CNTLN: variants seen among roughly 807,000 people sequenced by gnomAD.
The protein encoded by CNTLN is centlein, centrosomal protein.
Under a neutral mutation model 180.0 loss-of-function variants are expected in CNTLN, and 212 were observed. The observed-to-expected ratio is 1.18, with a 90% CI of 1.05 to 1.32. The LOEUF (loss-of-function observed/expected upper bound fraction) is 1.32, where lower values mean the gene tolerates loss of function less well. Ranked by LOEUF, CNTLN falls within the 40% of genes most tolerant of loss-of-function variation. CNTLN has a pLI of 0.00. For synonymous variants in CNTLN, 722 were observed against 563.1 expected (o/e 1.28, Z -3.99); for missense variants, 2,095 against 1,610.9 (o/e 1.30, Z -5.14).
chr9:17,146,295 T>G (rs1300173547), intron 2 of CNTLN, among the ~76,000 whole-genome samples: 2 of 152,186 alleles, frequency 1.3e-5, no homozygotes, highest in Non-Finnish European at 2.9e-5. Context: ...TTCTCTCTTA[T>G]CTCATGTTTT....
chr9:17,218,307 C>T (rs1192428575), intron 2 of CNTLN, among the ~76,000 whole-genome samples: 1 of 152,052 alleles, frequency 6.6e-6, no homozygotes, highest in African/African-American at 2.4e-5. Context: ...GAATTAAGAT[C>T]TGTTGAATTA....
intron 13 of CNTLN, among the ~76,000 whole-genome samples, chr9:17,371,253 A>G (rs974514363): frequency 9.2e-5 from 14 of 152,156 alleles, no homozygotes; most frequent in Non-Finnish European, 1.6e-4. Context: ...AAAGAAACAT[A>G]TAGACTGAAA....
intron 8 of CNTLN, among the ~76,000 whole-genome samples, chr9:17,326,981 A>G (rs758929106): frequency 6.6e-5 from 10 of 152,262 alleles, no homozygotes; most frequent in African/African-American, 1.9e-4. Context: ...TGAATAGACT[A>G]TGTCCTTCAG....
At chr9:17,445,927 G>A (rs1382016448) in intron 18 of CNTLN, among the ~76,000 whole-genome samples, 1 of 152,210 alleles carries the variant, frequency 6.6e-6, no homozygotes, top group East Asian at 1.9e-4. Flanking sequence ...TACTGAGATA[G>A]GGAAAAACCG....
At position 17,305,687 on chromosome 9, in the gene CNTLN, G is replaced by C. The variant is rs188514917; in HGVS notation, c.1147-3371G>C. Reference sequence around the variant, plus strand: ...CACCAAAAAACACTTTAGAAATAAAGCTAGATTTAACCTTGTTGAAGGCTG... The same window carrying C: ...CACCAAAAAACACTTTAGAAATAAACCTAGATTTAACCTTGTTGAAGGCTG... On this transcript the variant is annotated intron_variant, in intron 7 of 25. Coordinates refer to ENST00000380647, the MANE Select transcript of CNTLN (RefSeq NM_017738.4). 5.2e-3 allele frequency among the ~76,000 whole-genome samples: 794 copies of C among 152,202 alleles called. 5 individuals are homozygous for C. Among genetic ancestry groups the C allele is most frequent in the Admixed American group, 8.2e-3 (126 of 15,292 alleles).
intron 18 of CNTLN, among the ~76,000 whole-genome samples, chr9:17,435,646 T>C (rs1465290939): frequency 6.6e-6 from 1 of 151,818 alleles, no homozygotes. Flanking sequence ...CTGCAGCCTC[T>C]GTCCACCCCG....
At chr9:17,330,897 T>C in intron 9 of CNTLN, 89 bp downstream of exon 9, 1 of 1,190,180 alleles carries the variant, frequency 8.4e-7, no homozygotes, top group Non-Finnish European at 1.2e-6. Context: ...AGCATTTACT[T>C]CTCTGCTTGT....
chr9:17,461,934 G>C (rs1831473962), intron 19 of CNTLN, among the ~76,000 whole-genome samples: 1 of 151,686 alleles, frequency 6.6e-6, no homozygotes, highest in Admixed American at 6.6e-5. Context: ...ACCACCTCTG[G>C]TTCCTAGGCT....
intron 18 of CNTLN, among the ~76,000 whole-genome samples, chr9:17,451,462 G>T (rs10963105): frequency 0.072 from 10,949 of 152,218 alleles, 544 homozygotes; most frequent in East Asian, 0.18. Flanking sequence ...TTTTGGAGAA[G>T]TTATTGGAAA....
chr9:17,301,312 T>C (rs765085423), intron 7 of CNTLN: 1 of 985,410 alleles, frequency 1.0e-6, no homozygotes, highest in Non-Finnish European at 1.2e-6. Context: ...ACTTTTCTTC[T>C]AGGATTATGT....
intron 2 of CNTLN, among the ~76,000 whole-genome samples, chr9:17,213,194 G>T (rs895005902): frequency 1.2e-4 from 18 of 152,152 alleles, no homozygotes; most frequent in Non-Finnish European, 2.6e-4. Context: ...TGGACATTTA[G>T]TGCTATAAAT....
intron 5 of CNTLN, among the ~76,000 whole-genome samples, chr9:17,258,145 G>A (rs200688627): frequency 2.1e-4 from 30 of 143,850 alleles, no homozygotes; most frequent in African/African-American, 5.7e-4. Flanking sequence ...ATCTTGAATT[G>A]ATTTTTGTAT....
intron 15 of CNTLN, among the ~76,000 whole-genome samples, chr9:17,407,892 G>T (rs1435499184): frequency 6.6e-6 from 1 of 152,012 alleles, no homozygotes; most frequent in African/African-American, 2.4e-5. Flanking sequence ...TTGGGAGGCT[G>T]AGGTAGGTGG....
At chr9:17,308,602 C>G (rs1323454071) in intron 7 of CNTLN, among the ~76,000 whole-genome samples, 1 of 151,854 alleles carries the variant, frequency 6.6e-6, no homozygotes, top group Non-Finnish European at 1.5e-5. Flanking sequence ...CTGTCCTTTC[C>G]TATCGTTGTA....
chr9:17,181,344 C>T (rs1227017367), intron 2 of CNTLN, among the ~76,000 whole-genome samples: 1 of 152,212 alleles, frequency 6.6e-6, no homozygotes, highest in African/African-American at 2.4e-5. Flanking sequence ...TTGTACTTTT[C>T]AGGCATAAAA....
At chr9:17,250,187 C>G (rs1397880812) in intron 5 of CNTLN, among the ~76,000 whole-genome samples, 1 of 151,796 alleles carries the variant, frequency 6.6e-6, no homozygotes, top group Admixed American at 6.6e-5. Flanking sequence ...TACCCCAGCT[C>G]TCTTCTGGTT....
At chr9:17,200,829 C>A (rs1339142047) in intron 2 of CNTLN, among the ~76,000 whole-genome samples, 1 of 152,098 alleles carries the variant, frequency 6.6e-6, no homozygotes, top group African/African-American at 2.4e-5. Context: ...TTATTTATTT[C>A]TTTTGCCTGA....
intron 18 of CNTLN, among the ~76,000 whole-genome samples, chr9:17,451,998 C>A (rs1830807705): frequency 2.0e-5 from 3 of 152,186 alleles, no homozygotes; most frequent in Non-Finnish European, 2.9e-5. Context: ...CCTTGGAGCA[C>A]TGCTTGTAAA....
chr9:17,290,912 A>T (rs1388610302), intron 6 of CNTLN, among the ~76,000 whole-genome samples: 1 of 152,006 alleles, frequency 6.6e-6, no homozygotes, highest in African/African-American at 2.4e-5. Context: ...ACTGTCTGGC[A>T]CTCCCTAGTG....
Sources: allele counts gnomAD v4.1 joint callset (sites outside exome capture counted in the v4.1 genomes callset), GRCh38; gene constraint gnomAD v4.1.1; transcripts MANE v1.5; gene names NCBI Gene and HGNC (gene_info 2026-07-23, HGNC 2026-07-21).